FBXW4: variants seen among roughly 807,000 people sequenced by gnomAD.
The protein encoded by FBXW4 is F-box and WD repeat domain containing 4.
In FBXW4, 40 loss-of-function variants were observed where a neutral mutation model predicts 61.8. The ratio of observed to expected loss-of-function variants is 0.65; its 90% CI spans 0.50 to 0.84. The LOEUF (loss-of-function observed/expected upper bound fraction) is 0.84. Among genes scored for constraint, FBXW4 ranks in the 40% least tolerant of loss-of-function variants. The probability of loss-of-function intolerance (pLI) is 0.00; values close to 1 mark genes in which losing one functional copy is unlikely to be tolerated. For missense variants in FBXW4, 672 were observed against 753.8 expected (o/e 0.89, Z 1.27); for synonymous variants, 311 against 313.8 (o/e 0.99, Z 0.10).
chr10:101,611,541 A>G lies in FBXW4; in HGVS notation c.1584+87T>C. On this transcript the variant is annotated intron_variant, in intron 8 of 8. Coordinates refer to ENST00000331272, the MANE Select transcript of FBXW4 (RefSeq NM_022039.4). The surrounding 1 kb of genome is among the most constrained non-coding windows in gnomAD (Gnocchi z 4.9). ...AGGCTTCTTCCAACCCTTTCTAGGC[A>G]CGTCCTTGGCTACCTCACCCTCTCC... is the stretch of plus-strand genomic sequence containing the variant. 6.3e-7 allele frequency: 1 copy of G among 1,580,220 alleles called. No individual in the cohort carries two copies. The highest frequency in any genetic ancestry group is 8.6e-7 in the Non-Finnish European group (1 of 1,159,440).
chr10:101,658,280 C>T (rs965660349), intron 5 of FBXW4, among the ~76,000 whole-genome samples: 2 of 152,258 alleles, frequency 1.3e-5, no homozygotes, highest in Admixed American at 6.5e-5. Context: ...GGCATGGTGG[C>T]GCACATCTAT....
At chr10:101,661,666 C>G (rs936297175) in intron 5 of FBXW4, among the ~76,000 whole-genome samples, 4 of 152,190 alleles carry the variant, frequency 2.6e-5, no homozygotes, top group Non-Finnish European at 4.4e-5. Context: ...CTGCAACTCT[C>G]TCATCCAGGG....
At position 101,611,286 on chromosome 10, in the gene FBXW4, G is replaced by A; in HGVS notation, c.*5C>T. ...CTGGCCCAGAGGCAGGGGTGGCCCTGACGGTCATGGGTTTTGAAAATCCAG... is the reference window on the plus strand; with the variant it reads ...CTGGCCCAGAGGCAGGGGTGGCCCTAACGGTCATGGGTTTTGAAAATCCAG... On this transcript the variant is annotated 3_prime_UTR_variant, in exon 9 of 9. Transcript: ENST00000331272. The surrounding 1 kb of genome is among the most constrained non-coding windows in gnomAD (Gnocchi z 4.9). The A allele has an allele frequency of 6.2e-7, 1 of 1,612,978 alleles. No homozygotes were observed. The highest frequency in any genetic ancestry group is 8.5e-7 in the Non-Finnish European group (1 of 1,179,630).
intron 6 of FBXW4, among the ~76,000 whole-genome samples, chr10:101,623,815 A>G (rs1443203139): frequency 6.6e-6 from 1 of 152,224 alleles, no homozygotes; most frequent in Non-Finnish European, 1.5e-5. Context: ...GGGTTTTTAA[A>G]AAGCCAGTTT....
At chr10:101,642,746 C>T (rs2064064421) in intron 5 of FBXW4, among the ~76,000 whole-genome samples, 1 of 152,162 alleles carries the variant, frequency 6.6e-6, no homozygotes, top group Non-Finnish European at 1.5e-5. Context: ...CTCTTTGGAA[C>T]ATTGGAATAA....
intron 5 of FBXW4, among the ~76,000 whole-genome samples, chr10:101,642,172 G>A (rs1293494621): frequency 1.3e-5 from 2 of 151,980 alleles, no homozygotes; most frequent in South Asian, 2.1e-4. Context: ...TCTCAAAAAA[G>A]TAAAATAAAA....
chr10:101,672,880 G>A (rs1235587893), intron 4 of FBXW4, 35 bp downstream of exon 4: 1 of 1,609,596 alleles, frequency 6.2e-7, no homozygotes, highest in Non-Finnish European at 8.5e-7. Context: ...ATAGACAGGA[G>A]GGAGTAATAG....
At chr10:101,636,222 T>C (rs2064000268) in intron 5 of FBXW4, among the ~76,000 whole-genome samples, 1 of 151,464 alleles carries the variant, frequency 6.6e-6, no homozygotes, top group Non-Finnish European at 1.5e-5. Context: ...CTGGGGGTGG[T>C]GGCGTGCACC....
chr10:101,618,700 A>G (rs1038274347), intron 6 of FBXW4, among the ~76,000 whole-genome samples: 2 of 151,936 alleles, frequency 1.3e-5, no homozygotes, highest in Non-Finnish European at 2.9e-5. Flanking sequence ...CCACCTCCCC[A>G]CCCCTTTCCC....
intron 2 of FBXW4, among the ~76,000 whole-genome samples, chr10:101,675,727 A>G (rs2064401634): frequency 6.6e-6 from 1 of 152,246 alleles, no homozygotes. Context: ...TTTGGTAGAG[A>G]GTCAAATAAT....
At chr10:101,624,878 T>C (rs2063895652) in intron 5 of FBXW4, 68 bp from the exon 6 acceptor site, 1 of 1,535,964 alleles carries the variant, frequency 6.5e-7, no homozygotes, top group South Asian at 1.1e-5. Flanking sequence ...TGGCTAACAA[T>C]GGGAAATGCC....
chr10:101,611,460 G>T lies in FBXW4; in HGVS notation c.1585-50C>A. 1 of 1,593,420 alleles carries T rather than the reference G, an allele frequency of 6.3e-7. No individual in the cohort carries two copies. The highest frequency in any genetic ancestry group is 8.6e-7 in the Non-Finnish European group (1 of 1,167,896). Reference sequence around the variant, plus strand: ...GTAAGAGCTTTCCAAGTGGGACATGGGTGTGCCCTAACCCAGGATCCCCAG... The same window carrying T: ...GTAAGAGCTTTCCAAGTGGGACATGTGTGTGCCCTAACCCAGGATCCCCAG... On this transcript the variant is annotated intron_variant, in intron 8 of 8. Transcript: ENST00000331272. The surrounding 1 kb of genome is among the most constrained non-coding windows in gnomAD (Gnocchi z 4.9).
chr10:101,621,060 G>A (rs909912405), intron 6 of FBXW4, among the ~76,000 whole-genome samples: 1 of 152,184 alleles, frequency 6.6e-6, no homozygotes, highest in Non-Finnish European at 1.5e-5. Flanking sequence ...CTGGGCCCAG[G>A]CAGGTGATGA....
rs2064646456 is a variant in FBXW4 at position 101,694,296 on chromosome 10, G to A, written c.725+85C>T. Reference sequence around the variant, plus strand: ...AAACTCGGGGTGCGACACGACCCTGGGCCGACCAGGCCGCGGCGCCCCGCC... The same window carrying A: ...AAACTCGGGGTGCGACACGACCCTGAGCCGACCAGGCCGCGGCGCCCCGCC... On this transcript the variant is annotated intron_variant, in intron 1 of 8. Coordinates refer to ENST00000331272, the MANE Select transcript of FBXW4 (RefSeq NM_022039.4). This position sits in a 1 kb window ranked among gnomAD's most constrained non-coding sequence, Gnocchi z 6.0. 2 of 1,273,564 alleles carry A rather than the reference G, an allele frequency of 1.6e-6. No individual in the cohort carries two copies. Among genetic ancestry groups the A allele is most frequent in the African/African-American group, 1.6e-5 (1 of 63,474 alleles). The allele number at this position is 1,273,564 out of a possible 1,614,324, so 78.9% of individuals were successfully genotyped here. A position where few individuals can be genotyped will look rare whatever the true frequency, so the allele number is the denominator to read the frequency against.
intron 5 of FBXW4, among the ~76,000 whole-genome samples, chr10:101,655,767 C>T (rs2064179898): frequency 6.6e-6 from 1 of 152,220 alleles, no homozygotes; most frequent in Non-Finnish European, 1.5e-5. Flanking sequence ...TGGACCCTCT[C>T]CAGCCCGGAA....
At chr10:101,620,408 T>A (rs1311309358) in intron 6 of FBXW4, among the ~76,000 whole-genome samples, 2 of 152,208 alleles carry the variant, frequency 1.3e-5, no homozygotes, top group African/African-American at 4.8e-5. Context: ...GCATCTTTCC[T>A]CAATCGCTGT....
At position 101,667,962 on chromosome 10, in the gene FBXW4, C is replaced by T. The variant is rs752402476; in HGVS notation, c.1159G>A (p.Gly387Ser). ...GTGTGTAAGCACTGCCCCAGCCGGC[C>T]TGAGGCCAAAGGCCACACCTAGAAA... ...RTAKVWPLAS[G>S]RLGQCLHTIQ... The change falls in exon 5 of 9, where the codon GGC becomes AGC. Residue 387 changes from glycine to serine, a missense_variant. By Grantham distance (56) the Gly-to-Ser change is moderately conservative. Transcript: ENST00000331272. 1 of 1,614,182 alleles carries T rather than the reference C, an allele frequency of 6.2e-7. No individual in the cohort carries two copies. The highest frequency in any genetic ancestry group is 1.1e-5 in the South Asian group (1 of 91,082).
chr10:101,685,512 A>C (rs373176948), intron 1 of FBXW4, among the ~76,000 whole-genome samples: 2 of 152,204 alleles, frequency 1.3e-5, no homozygotes, highest in Non-Finnish European at 2.9e-5. Flanking sequence ...CCCATGATAC[A>C]ATTTGCTGAA....
intron 1 of FBXW4, among the ~76,000 whole-genome samples, chr10:101,686,064 G>A (rs2064530500): frequency 6.6e-6 from 1 of 151,162 alleles, no homozygotes; most frequent in African/African-American, 2.4e-5. Context: ...AACAGTTTCA[G>A]AAGCACTAAG....
Sources: allele counts gnomAD v4.1 joint callset (sites outside exome capture counted in the v4.1 genomes callset), GRCh38; gene constraint gnomAD v4.1.1; non-coding constraint Gnocchi (gnomAD v3.1); transcripts MANE v1.5; gene names NCBI Gene and HGNC (gene_info 2026-07-23, HGNC 2026-07-21).